The following TEAD4 variants were observed in gnomAD, a reference collection of about 807,000 sequenced individuals.
TEAD4 encodes TEA domain transcription factor 4.
A neutral mutation model predicts 52.4 loss-of-function variants in TEAD4; 36 were observed. The ratio of observed to expected loss-of-function variants is 0.69; its 90% CI spans 0.53 to 0.91. The LOEUF is 0.91. Among genes scored for constraint, TEAD4 ranks in the 40% least tolerant of loss-of-function variants. The probability of loss-of-function intolerance (pLI) is 0.00; values close to 1 mark genes in which losing one functional copy is unlikely to be tolerated. For synonymous variants in TEAD4, 220 were observed against 231.0 expected, an observed-to-expected ratio of 0.95 and a Z score of 0.43; for missense variants, 508 against 583.9, an observed-to-expected ratio of 0.87 and a Z score of 1.34.
At chr12:2,975,818 A>C (rs896947299) in intron 2 of TEAD4, among the ~76,000 whole-genome samples, 2 of 151,948 alleles carry the variant, frequency 1.3e-5, no homozygotes, top group Admixed American at 6.6e-5. Flanking sequence ...CCGTTCCCCA[A>C]ATCCTCCAGG....
intron 3 of TEAD4, among the ~76,000 whole-genome samples, chr12:3,001,208 A>T (rs2335329): frequency 0.71 from 107,613 of 152,180 alleles, 41,650 homozygotes; most frequent in Non-Finnish European, 0.87. Context: ...GTGGGAGGTG[A>T]TTTGGTTTAT....
intron 2 of TEAD4, among the ~76,000 whole-genome samples, chr12:2,984,001 C>T (rs189703309): frequency 6.6e-6 from 1 of 152,302 alleles, no homozygotes; most frequent in Non-Finnish European, 1.5e-5. Context: ...ATGGCTGGAC[C>T]TTAAGGCTGA....
At chr12:2,989,222 A>G (rs940140828) in intron 2 of TEAD4, among the ~76,000 whole-genome samples, 3 of 152,088 alleles carry the variant, frequency 2.0e-5, no homozygotes, top group East Asian at 3.9e-4. Flanking sequence ...GATTATAGGT[A>G]TGAGCCACCA....
At chr12:2,981,616 G>A (rs896978572) in intron 2 of TEAD4, among the ~76,000 whole-genome samples, 2 of 152,170 alleles carry the variant, frequency 1.3e-5, no homozygotes, top group Non-Finnish European at 2.9e-5. Flanking sequence ...GCCCCATGAA[G>A]GTCTGGACCC....
chr12:2,993,565 G>C (rs1295946975), intron 2 of TEAD4, among the ~76,000 whole-genome samples: 1 of 152,148 alleles, frequency 6.6e-6, no homozygotes, highest in Non-Finnish European at 1.5e-5. Context: ...TGACTTCCCA[G>C]GCTCAAGTGA....
chr12:3,008,644 T>A (rs1344829517), intron 3 of TEAD4, among the ~76,000 whole-genome samples: 2 of 152,156 alleles, frequency 1.3e-5, no homozygotes, highest in Non-Finnish European at 1.5e-5. Flanking sequence ...GCACAGTGGC[T>A]GTATGAATTC....
At chr12:3,012,473 C>T (rs533293172) in intron 5 of TEAD4, among the ~76,000 whole-genome samples, 28 of 152,296 alleles carry the variant, frequency 1.8e-4, no homozygotes, top group Admixed American at 2.0e-4. Flanking sequence ...TCCCCCCTTG[C>T]TGGCTCCTGC....
At chr12:2,963,325 C>T (rs895938550) in intron 2 of TEAD4, among the ~76,000 whole-genome samples, 2 of 152,204 alleles carry the variant, frequency 1.3e-5, no homozygotes, top group Admixed American at 6.5e-5. Context: ...ACGTTGGTCC[C>T]CAGCTTTGGA....
rs758560644 is a variant in TEAD4 at position 3,021,840 on chromosome 12, A to G, written c.724-4A>G. On this transcript the variant is annotated splice_region_variant and splice_polypyrimidine_tract_variant and intron_variant, in intron 9 of 12. Transcript: ENST00000359864. ...CGTCTCCCTCAGACCCACTCTCTCC[A>G]CAGTACAACAAGCACCTGTTCGTGC... 26 of 1,613,642 alleles carry G rather than the reference A, an allele frequency of 1.6e-5. No individual in the cohort carries two copies. Among genetic ancestry groups the G allele is most frequent in the Non-Finnish European group, 2.1e-5 (25 of 1,179,790 alleles).
intron 2 of TEAD4, among the ~76,000 whole-genome samples, chr12:2,968,385 C>CTTTTTTTTTTTTTTTTTT (rs61672018): frequency 1.8e-5 from 1 of 55,046 alleles, no homozygotes; most frequent in African/African-American, 6.6e-5. Context: ...CGCGCCCGGC[C>CTTTTTTTTTTTTTTTTTT]TTTTTTTTTT....
intron 8 of TEAD4, 73 bp downstream of exon 8, chr12:3,019,243 A>C: frequency 6.4e-7 from 1 of 1,563,548 alleles, no homozygotes; most frequent in East Asian, 2.2e-5. Flanking sequence ...GGCCCCCGGC[A>C]GCCGAACGCC....
intron 11 of TEAD4, among the ~76,000 whole-genome samples, chr12:3,038,522 C>A (rs1330344590): frequency 1.3e-5 from 2 of 152,218 alleles, no homozygotes; most frequent in Non-Finnish European, 2.9e-5. Context: ...ATCTCTGTCC[C>A]CTGCTCACTT....
Position 3,018,905 on chromosome 12 carries a change from G to A in TEAD4, c.528-210G>A, listed in dbSNP as rs116836913. 6.5e-3 allele frequency among the ~76,000 whole-genome samples: 993 copies of A among 152,112 alleles called. 11 individuals are homozygous for A. Among genetic ancestry groups the A allele is most frequent in the African/African-American group, 0.023 (956 of 41,492 alleles). On this transcript the variant is annotated intron_variant, in intron 7 of 12. Coordinates refer to ENST00000359864, the MANE Select transcript of TEAD4 (RefSeq NM_003213.4). ...GCTGGCCTGGGAGGAGGAGAGGGAGGGGTGGATTTCTTCAGCAGACACGCT... is the reference window on the plus strand; with the variant it reads ...GCTGGCCTGGGAGGAGGAGAGGGAGAGGTGGATTTCTTCAGCAGACACGCT...
intron 5 of TEAD4, among the ~76,000 whole-genome samples, chr12:3,016,431 G>A (rs2098264562): frequency 6.6e-6 from 1 of 152,138 alleles, no homozygotes; most frequent in Admixed American, 6.5e-5. Flanking sequence ...CAGCCCGTGT[G>A]TGTGTGGTCT....
intron 11 of TEAD4, among the ~76,000 whole-genome samples, chr12:3,038,680 G>T (rs889814217): frequency 6.6e-6 from 1 of 152,236 alleles, no homozygotes; most frequent in Admixed American, 6.5e-5. Flanking sequence ...CAAGGGCAGT[G>T]CAGGGCAGTG....
intron 2 of TEAD4, among the ~76,000 whole-genome samples, chr12:2,962,615 A>C (rs2098216710): frequency 6.6e-6 from 1 of 151,962 alleles, no homozygotes; most frequent in African/African-American, 2.4e-5. Context: ...GATTATAGGC[A>C]TGAGCCACCA....
intron 3 of TEAD4, among the ~76,000 whole-genome samples, chr12:3,008,599 A>G (rs567361853): frequency 9.2e-5 from 14 of 152,250 alleles, no homozygotes; most frequent in African/African-American, 3.4e-4. Flanking sequence ...CAAGTCAGAG[A>G]TGGCGGGAGC....
intron 8 of TEAD4, among the ~76,000 whole-genome samples, 197 bp downstream of exon 8, chr12:3,019,367 C>T (rs952985075): frequency 1.3e-5 from 2 of 152,248 alleles, no homozygotes; most frequent in African/African-American, 2.4e-5. Context: ...TGCCAAGCCC[C>T]TTCATGCCCC....
In TEAD4 at chr12:3,028,176, A is replaced by G. The variant is rs147415769; in HGVS notation, c.897+6159A>G. 8.5e-5 allele frequency among the ~76,000 whole-genome samples: 13 copies of G among 152,312 alleles called. No individual in the cohort carries two copies. In the East Asian group the frequency reaches 1.7e-3, roughly 20 times the overall value. On this transcript the variant is annotated intron_variant, in intron 10 of 12. Coordinates refer to ENST00000359864, the MANE Select transcript of TEAD4 (RefSeq NM_003213.4). ...AGCACGTACGTTCCTTTTTATGGCC[A>G]AATGTACGGAGAGTCCACATTGTTT...
Sources: gnomAD v4.1 joint callset for allele counts (sites outside exome capture counted in the v4.1 genomes callset) on GRCh38, gnomAD v4.1.1 for gene constraint, MANE v1.5 for transcripts, NCBI Gene and HGNC (gene_info 2026-07-23, HGNC 2026-07-21) for gene names.